RABGAP1L: variants seen among roughly 807,000 people sequenced by gnomAD.
RABGAP1L encodes the protein rab GTPase-activating protein 1-like.
A neutral mutation model predicts 137.7 loss-of-function variants in RABGAP1L; 63 were observed. The ratio of observed to expected loss-of-function variants is 0.46; its 90% CI spans 0.37 to 0.56. The LOEUF (loss-of-function observed/expected upper bound fraction) is 0.56. RABGAP1L is among the 20% of genes least tolerant of loss of function. The probability of loss-of-function intolerance (pLI) is 0.00; values close to 1 mark genes in which losing one functional copy is unlikely to be tolerated. For synonymous variants in RABGAP1L, 431 were observed against 433.7 expected (o/e 0.99, Z 0.08); for missense variants, 1,095 against 1,244.0 (o/e 0.88, Z 1.80).
chr1:174,179,609 A>T (rs1408070994), intron 1 of RABGAP1L, among the ~76,000 whole-genome samples: 2 of 152,124 alleles, frequency 1.3e-5, no homozygotes, highest in African/African-American at 4.8e-5. Context: ...ATATGGTTGT[A>T]CAGTGACTAC....
chr1:174,179,033 A>G (rs1015268778), intron 1 of RABGAP1L, among the ~76,000 whole-genome samples: 4 of 152,168 alleles, frequency 2.6e-5, no homozygotes, highest in Admixed American at 2.6e-4. Context: ...ACAATCCCAG[A>G]AAAGTCTTTT....
intron 19 of RABGAP1L, among the ~76,000 whole-genome samples, chr1:174,840,224 T>C (rs902099599): frequency 3.9e-5 from 6 of 152,146 alleles, no homozygotes; most frequent in African/African-American, 1.2e-4. Flanking sequence ...ATTTTTAAAA[T>C]GACAGAACAA....
At position 174,448,492 on chromosome 1, in the gene RABGAP1L, T is replaced by G. The variant is rs748802654; in HGVS notation, c.1710+54347T>G. 3 of 1,613,720 alleles carry G rather than the reference T, an allele frequency of 1.9e-6. No homozygotes were observed. In the African/African-American group the frequency reaches 4.0e-5, roughly 22 times the overall value. On this transcript the variant is annotated intron_variant, in intron 13 of 25. Transcript: ENST00000681986. This position sits in a 1 kb window ranked among gnomAD's most constrained non-coding sequence, Gnocchi z 4.2. ...ATATCATCTCAGTTCTAAAAAGTGTTTCTATGGCATGTCTTGCTTGCATCA... is the reference window on the plus strand; with the variant it reads ...ATATCATCTCAGTTCTAAAAAGTGTGTCTATGGCATGTCTTGCTTGCATCA...
At chr1:174,664,254 T>A (rs1676591041) in intron 14 of RABGAP1L, among the ~76,000 whole-genome samples, 1 of 152,182 alleles carries the variant, frequency 6.6e-6, no homozygotes, top group Admixed American at 6.5e-5. Flanking sequence ...TTAAGAATGA[T>A]GACAATTGAC....
intron 18 of RABGAP1L, among the ~76,000 whole-genome samples, chr1:174,801,299 T>A (rs1023542509): frequency 1.3e-5 from 2 of 152,230 alleles, no homozygotes; most frequent in African/African-American, 4.8e-5. Context: ...AGAATGGAGT[T>A]TAATACCATT....
intron 10 of RABGAP1L, among the ~76,000 whole-genome samples, chr1:174,284,666 A>C (rs529233860): frequency 6.7e-6 from 1 of 148,288 alleles, no homozygotes. Context: ...CATACTGGCT[A>C]TACCAGTTTA....
intron 18 of RABGAP1L, chr1:174,800,342 G>C: frequency 6.5e-7 from 1 of 1,550,294 alleles, no homozygotes; most frequent in South Asian, 1.2e-5. Context: ...CATGGAAGAA[G>C]GGGTGCCCTG....
intron 11 of RABGAP1L, among the ~76,000 whole-genome samples, chr1:174,336,897 G>A (rs72713530): frequency 0.031 from 3,860 of 124,662 alleles, 157 homozygotes; most frequent in African/African-American, 0.092. Context: ...GAGAGAGAGA[G>A]AAAGAGAGAG....
At chr1:174,551,039 T>G (rs189889367) in intron 13 of RABGAP1L, among the ~76,000 whole-genome samples, 3 of 133,508 alleles carry the variant, frequency 2.2e-5, no homozygotes, top group South Asian at 2.3e-4. Context: ...CACACACACA[T>G]ATATATATAC....
At chr1:174,512,893 C>G (rs938020105) in intron 13 of RABGAP1L, among the ~76,000 whole-genome samples, 13 of 152,020 alleles carry the variant, frequency 8.6e-5, no homozygotes, top group African/African-American at 2.7e-4. Context: ...ATATGCTGTT[C>G]AATATATGTT....
intron 14 of RABGAP1L, among the ~76,000 whole-genome samples, chr1:174,662,640 T>C (rs1676477796): frequency 6.6e-6 from 1 of 150,866 alleles, no homozygotes; most frequent in Non-Finnish European, 1.5e-5. Flanking sequence ...ATGATCTGCC[T>C]GCCTTGGCCT....
Position 174,274,056 on chromosome 1 carries a change from C to T in RABGAP1L, c.1053+1576C>T, listed in dbSNP as rs372801992. On this transcript the variant is annotated intron_variant, in intron 8 of 25. Transcript: ENST00000681986. ...ACTTCTAATGAAGAGAAACTCATTA[C>T]CTTATGTTAAAGTCTAAGGGACAGT... is the stretch of plus-strand genomic sequence containing the variant. 2.6e-3 allele frequency among the ~76,000 whole-genome samples: 393 copies of T among 152,204 alleles called. 26 individuals are homozygous for T. In the South Asian group the frequency reaches 0.08, roughly 31 times the overall value.
rs73038669 is a variant in RABGAP1L at position 174,398,286 on chromosome 1, C to A, written c.1710+4141C>A. On this transcript the variant is annotated intron_variant, in intron 13 of 25. Coordinates refer to ENST00000681986, the MANE Select transcript of RABGAP1L (RefSeq NM_001366446.1). ...CTCAATCTCTACGCTCCCCTTCTTT[C>A]CTCCCCAGAGGAAAAGAAGGTAGGG... 5.3e-3 allele frequency among the ~76,000 whole-genome samples: 805 copies of A among 152,208 alleles called. 10 individuals carry two copies. Among genetic ancestry groups the A allele is most frequent in the African/African-American group, 0.018 (764 of 41,524 alleles).
intron 11 of RABGAP1L, among the ~76,000 whole-genome samples, chr1:174,347,498 TG>T (rs367632683): frequency 0.23 from 34,305 of 148,464 alleles, 4,544 homozygotes; most frequent in East Asian, 0.49. Flanking sequence ...TGTGTGTGTG[TG>T]TTTTTTTCTT....
At chr1:174,545,663 G>A (rs574261203) in intron 13 of RABGAP1L, 98 of 154,294 alleles carry the variant, frequency 6.4e-4, no homozygotes, top group Non-Finnish European at 1.1e-3. Context: ...TGTCTTCTGC[G>A]TCGCTCACGC....
chr1:174,188,386 C>A (rs1051785305), intron 1 of RABGAP1L, among the ~76,000 whole-genome samples: 2 of 152,094 alleles, frequency 1.3e-5, no homozygotes, highest in African/African-American at 4.8e-5. Context: ...GTTTCTTATA[C>A]TTTTCTGGGA....
chr1:174,534,802 A>ATAAT (rs869189341), intron 13 of RABGAP1L, among the ~76,000 whole-genome samples: 3 of 137,262 alleles, frequency 2.2e-5, no homozygotes, highest in Admixed American at 7.4e-5. Flanking sequence ...AAAAAAAAAA[A>ATAAT]AATAATTAGA....
chr1:174,561,565 A>C (rs1667217100), intron 13 of RABGAP1L, among the ~76,000 whole-genome samples: 1 of 152,218 alleles, frequency 6.6e-6, no homozygotes, highest in Non-Finnish European at 1.5e-5. Flanking sequence ...ATCCTAAGCA[A>C]AGAGAACAAA....
intron 10 of RABGAP1L, among the ~76,000 whole-genome samples, chr1:174,283,681 A>G (rs1675786039): frequency 6.6e-6 from 1 of 151,902 alleles, no homozygotes; most frequent in Admixed American, 6.6e-5. Flanking sequence ...TAATTTTTGT[A>G]TTTTTAGTAG....
Sources: gnomAD v4.1 joint callset for allele counts (sites outside exome capture counted in the v4.1 genomes callset) on GRCh38, gnomAD v4.1.1 for gene constraint, Gnocchi (gnomAD v3.1) non-coding constraint, MANE v1.5 for transcripts, NCBI Gene and HGNC (gene_info 2026-07-23, HGNC 2026-07-21) for gene names.